The following DNAH8 variants were observed in gnomAD, a reference collection of about 807,000 sequenced individuals.
The protein encoded by DNAH8 is dynein axonemal heavy chain 8.
A neutral mutation model predicts 562.1 loss-of-function variants in DNAH8; 382 were observed. That is an observed-to-expected ratio of 0.68 (90% confidence interval 0.63 to 0.74). The LOEUF is 0.74. Among genes scored for constraint, DNAH8 ranks in the 30% least tolerant of loss-of-function variants. The probability of loss-of-function intolerance (pLI) is 0.00; values close to 1 mark genes in which losing one functional copy is unlikely to be tolerated. For missense variants in DNAH8, 5,203 were observed against 5,620.4 expected (o/e 0.93, Z 2.37); for synonymous variants, 1,881 against 1,919.4 (o/e 0.98, Z 0.52).
chr6:38,955,315 A>T (rs932703792), intron 82 of DNAH8, among the ~76,000 whole-genome samples: 1 of 152,012 alleles, frequency 6.6e-6, no homozygotes, highest in Non-Finnish European at 1.5e-5. Flanking sequence ...CAGTAAACCG[A>T]CCCAGATAGT....
At chr6:38,877,312 T>C (rs1778100178) in intron 53 of DNAH8, among the ~76,000 whole-genome samples, 1 of 152,222 alleles carries the variant, frequency 6.6e-6, no homozygotes. Flanking sequence ...AAAATATGTA[T>C]TGCCACATTT....
At chr6:38,933,470 A>G (rs1782712894) in intron 76 of DNAH8, among the ~76,000 whole-genome samples, 1 of 152,192 alleles carries the variant, frequency 6.6e-6, no homozygotes. Context: ...GTAACAGCAC[A>G]TGGACTTTGC....
intron 12 of DNAH8, among the ~76,000 whole-genome samples, 180 bp downstream of exon 12, chr6:38,770,739 A>G (rs1178259200): frequency 1.3e-5 from 2 of 152,160 alleles, no homozygotes; most frequent in Non-Finnish European, 1.5e-5. Flanking sequence ...ATTCCTGGTT[A>G]CTGCCTTCTG....
rs1779624028 is a variant in DNAH8, at chr6:38,895,602, C to G, written c.8748-431C>G. The stretch of plus-strand genomic sequence containing the variant: ...CATCTATAAATCATAGATGATAATG[C>G]CAGTTTCACAAAGTTGTAAAGTGTC... On this transcript the variant is annotated intron_variant, in intron 59 of 92. Transcript: ENST00000327475. 5.3e-5 allele frequency among the ~76,000 whole-genome samples: 8 copies of G among 152,158 alleles called. No homozygotes were observed. In the South Asian group the frequency reaches 1.7e-3, roughly 32 times the overall value.
intron 65 of DNAH8, among the ~76,000 whole-genome samples, chr6:38,910,164 A>G (rs1306767933): frequency 6.6e-6 from 1 of 152,210 alleles, no homozygotes; most frequent in Admixed American, 6.5e-5. Flanking sequence ...TAGAATTTGT[A>G]TTTGCATTAC....
intron 48 of DNAH8, 49 bp downstream of exon 48, chr6:38,868,245 T>C: frequency 1.3e-6 from 2 of 1,551,254 alleles, no homozygotes; most frequent in Non-Finnish European, 1.7e-6. Context: ...TATTGTTTCT[T>C]TCTATTTGGT....
intron 53 of DNAH8, among the ~76,000 whole-genome samples, chr6:38,882,468 T>C (rs756401610): frequency 1.3e-5 from 2 of 152,044 alleles, no homozygotes; most frequent in Non-Finnish European, 2.9e-5. Flanking sequence ...GAATAGAAAA[T>C]CAAATACTGC....
chr6:38,815,696 T>C, intron 26 of DNAH8, 39 bp downstream of exon 26: 2 of 1,542,368 alleles, frequency 1.3e-6, no homozygotes, highest in Non-Finnish European at 1.8e-6. Flanking sequence ...TACTGATCCT[T>C]TTTGGATTTG....
In DNAH8 at chr6:38,913,904, T is replaced by G. The variant is rs774291350; in HGVS notation, c.9915T>G (p.Leu3305=). 6.2e-7 allele frequency: 1 copy of G among 1,613,418 alleles called. No individual in the cohort carries two copies. The highest frequency in any genetic ancestry group is 8.5e-7 in the Non-Finnish European group (1 of 1,179,564). ...CTGTTGCTAAACTCTCTCAGGATCT[T>G]GCAGTCAAGGAGAAGGAGTTGGCAG... ...SESVAKLSQD[L]AVKEKELAVA... is the part of the protein sequence containing the mutation. The change falls in exon 67 of 93, where the codon CTT becomes CTG. Residue 3305 remains leucine (L), a synonymous_variant. Transcript: ENST00000327475.
At chr6:38,847,874 T>C (rs920677280) in intron 36 of DNAH8, among the ~76,000 whole-genome samples, 36 of 152,198 alleles carry the variant, frequency 2.4e-4, no homozygotes, top group African/African-American at 7.5e-4. Flanking sequence ...TGCTCAGCTT[T>C]CTGGACCCCT....
At chr6:38,946,884 G>A (rs1178592912) in intron 80 of DNAH8, among the ~76,000 whole-genome samples, 1 of 152,074 alleles carries the variant, frequency 6.6e-6, no homozygotes, top group Non-Finnish European at 1.5e-5. Context: ...AAGAACCACT[G>A]GAAAAATCAC....
At chr6:38,870,032 A>G (rs1359683264) in intron 48 of DNAH8, among the ~76,000 whole-genome samples, 1 of 152,218 alleles carries the variant, frequency 6.6e-6, no homozygotes, top group African/African-American at 2.4e-5. Context: ...ACGTCTTTAC[A>G]TGGCGGCAGG....
At chr6:38,855,035 AAG>A (rs1776077782) in intron 41 of DNAH8, among the ~76,000 whole-genome samples, 1 of 149,146 alleles carries the variant, frequency 6.7e-6, no homozygotes, top group African/African-American at 2.4e-5. Context: ...ATATTCACAT[AAG>A]TATATATGAA....
At chr6:38,986,542 G>T (rs1478064659) in intron 87 of DNAH8, among the ~76,000 whole-genome samples, 1 of 151,912 alleles carries the variant, frequency 6.6e-6, no homozygotes, top group Non-Finnish European at 1.5e-5. Flanking sequence ...GGGAGTGTGA[G>T]AAACTGACCT....
intron 24 of DNAH8, among the ~76,000 whole-genome samples, chr6:38,813,167 T>C (rs1385360537): frequency 1.3e-5 from 2 of 152,232 alleles, no homozygotes; most frequent in African/African-American, 2.4e-5. Flanking sequence ...CTTTATACTT[T>C]ATGAAAACTC....
intron 80 of DNAH8, among the ~76,000 whole-genome samples, chr6:38,948,486 G>A (rs1374624734): frequency 6.6e-6 from 1 of 152,060 alleles, no homozygotes; most frequent in Non-Finnish European, 1.5e-5. Context: ...TTACAGGCAT[G>A]TGCCACCACG....
At chr6:38,842,592 G>C in intron 34 of DNAH8, 71 bp from the exon 35 acceptor site, 1 of 1,583,520 alleles carries the variant, frequency 6.3e-7, no homozygotes, top group Non-Finnish European at 8.6e-7. Flanking sequence ...TAATATAATA[G>C]TGTATATACA....
chr6:39,016,254 T>A (rs4711570), intron 91 of DNAH8, among the ~76,000 whole-genome samples: 82,208 of 150,256 alleles, frequency 0.55, 23,967 homozygotes, highest in Non-Finnish European at 0.66. Flanking sequence ...TGGCTTTAAA[T>A]AAAAAACCCT....
Position 39,030,132 on chromosome 6 carries a change from A to G in DNAH8, c.13864A>G (p.Met4622Val). Residue 4622 changes from methionine to valine, a missense_variant, in exon 93 of 93, where the codon ATG (methionine) becomes GTG (valine). Physicochemically the swap from Met to Val is conservative, Grantham distance 21. This residue lies in a region of DNAH8 where 1,399 missense variants were observed against 1,518.4 expected (regional missense o/e 0.92). Transcript: ENST00000327475. ...AGGTGTGTATATTTATGGGCTCTAC[A>G]TGGATGGAGCAGCCTGGGACAGACG... ...GEGVYIYGLY[M>V]DGAAWDRRNG... 1 of 1,613,982 alleles carries G rather than the reference A, an allele frequency of 6.2e-7. No individual in the cohort carries two copies. The highest frequency in any genetic ancestry group is 8.5e-7 in the Non-Finnish European group (1 of 1,179,986).
Sources: allele counts gnomAD v4.1 joint callset (sites outside exome capture counted in the v4.1 genomes callset), GRCh38; gene constraint gnomAD v4.1.1; regional missense constraint gnomAD v4.1.1; transcripts MANE v1.5; gene names NCBI Gene and HGNC (gene_info 2026-07-23, HGNC 2026-07-21).